MARCHF1: variants seen among roughly 807,000 people sequenced by gnomAD.
MARCHF1 encodes membrane associated ring-CH-type finger 1, also known as E3 ubiquitin-protein ligase MARCHF1.
MARCHF1 carries 40 observed loss-of-function variants against 54.2 expected under a neutral mutation model. That is an observed-to-expected ratio of 0.74 (90% confidence interval 0.57 to 0.96). The LOEUF is 0.96. Among genes scored for constraint, MARCHF1 ranks in the 40% least tolerant of loss-of-function variants. The pLI, the probability that MARCHF1 is intolerant of heterozygous loss-of-function variation, is 0.00. For missense variants in MARCHF1, 586 were observed against 656.5 expected, an observed-to-expected ratio of 0.89 and a Z score of 1.17; for synonymous variants, 236 against 236.3, an observed-to-expected ratio of 1.00 and a Z score of 0.01.
intron 4 of MARCHF1, among the ~76,000 whole-genome samples, chr4:163,731,817 A>G (rs948746663): frequency 3.3e-5 from 5 of 152,210 alleles, no homozygotes; most frequent in African/African-American, 1.2e-4. Flanking sequence ...GCAAGGAATC[A>G]GCTAAAGTAT....
chr4:163,528,751 G>A lies in MARCHF1; in HGVS notation c.1635C>T (p.Val545=), dbSNP rs150942514. The part of the protein sequence containing the change: ...AEGGPPEVVS[V] ...AAGAAACTCCCAACAGGTTCCATCA[G>A]ACTGATACAACTTCAGGGGGGCCAC... The change falls in exon 10 of 10, where the codon GTC becomes GTT. Residue 545 remains valine, a synonymous_variant. Coordinates refer to ENST00000514618, the MANE Select transcript of MARCHF1 (RefSeq NM_001394959.1). 3.1e-6 allele frequency: 5 copies of A among 1,607,924 alleles called. No individual in the cohort carries two copies. The Admixed American group carries it at 5.0e-5, about 16-fold the overall frequency.
chr4:163,967,061 G>A (rs991780559), intron 3 of MARCHF1, among the ~76,000 whole-genome samples: 2 of 152,100 alleles, frequency 1.3e-5, no homozygotes, highest in Admixed American at 1.3e-4. Flanking sequence ...AGGCAGTGAT[G>A]AATAGATCAA....
chr4:164,255,990 T>G (rs926583800), intron 1 of MARCHF1, among the ~76,000 whole-genome samples: 6 of 152,034 alleles, frequency 3.9e-5, no homozygotes, highest in African/African-American at 1.2e-4. Context: ...CACAAAGACA[T>G]TCACAAGAAA....
chr4:164,293,501 T>C (rs549785922), intron 1 of MARCHF1, among the ~76,000 whole-genome samples: 27 of 152,320 alleles, frequency 1.8e-4, no homozygotes, highest in African/African-American at 4.1e-4. Context: ...TGGCTCGGAG[T>C]ACAGCCTGAT....
intron 3 of MARCHF1, among the ~76,000 whole-genome samples, chr4:163,930,477 T>TG (rs1346711477): frequency 7.2e-6 from 1 of 139,480 alleles, no homozygotes; most frequent in Non-Finnish European, 1.6e-5. Context: ...TTGAAAATGG[T>TG]GTTTTTTTTT....
intron 9 of MARCHF1, among the ~76,000 whole-genome samples, chr4:163,536,544 A>T (rs1298945752): frequency 6.6e-6 from 1 of 152,146 alleles, no homozygotes; most frequent in Non-Finnish European, 1.5e-5. Flanking sequence ...TATAATCTTG[A>T]CGAGCACAGA....
intron 4 of MARCHF1, among the ~76,000 whole-genome samples, chr4:163,755,273 G>T (rs1746633061): frequency 6.6e-6 from 1 of 152,090 alleles, no homozygotes; most frequent in South Asian, 2.1e-4. Flanking sequence ...GGAGATTGCT[G>T]CCCCCTACTG....
At position 164,261,828 on chromosome 4, in the gene MARCHF1, A is replaced by G. The variant is rs182162621; in HGVS notation, c.-323+122042T>C. ...CAGTTGATTAACTGTTTTGATGACT[A>G]CTCCCTTCCATAAGAATGGAAAGAA... On this transcript the variant is annotated intron_variant, in intron 1 of 9. Transcript: ENST00000514618. 3.7e-3 allele frequency among the ~76,000 whole-genome samples: 558 copies of G among 152,000 alleles called. 4 individuals carry two copies. The highest frequency in any genetic ancestry group is 0.013 in the African/African-American group (526 of 41,490).
chr4:163,829,946 A>G (rs1748971341), intron 4 of MARCHF1, among the ~76,000 whole-genome samples: 1 of 152,164 alleles, frequency 6.6e-6, no homozygotes, highest in Admixed American at 6.5e-5. Context: ...CAAATAGCAG[A>G]TAGATATTAT....
intron 4 of MARCHF1, among the ~76,000 whole-genome samples, chr4:163,839,727 G>A (rs1749286089): frequency 6.6e-6 from 1 of 152,066 alleles, no homozygotes; most frequent in South Asian, 2.1e-4. Flanking sequence ...AGGAAGGGCT[G>A]GTGAGTAACT....
chr4:164,261,707 A>G (rs1011701405), intron 1 of MARCHF1, among the ~76,000 whole-genome samples: 3 of 152,138 alleles, frequency 2.0e-5, no homozygotes, highest in Non-Finnish European at 2.9e-5. Flanking sequence ...TCTCAGTTCA[A>G]ATGTCACTTC....
intron 8 of MARCHF1, among the ~76,000 whole-genome samples, chr4:163,563,553 C>T (rs1318147968): frequency 6.6e-6 from 1 of 152,198 alleles, no homozygotes; most frequent in Admixed American, 6.5e-5. Flanking sequence ...ACTACAGTGG[C>T]AGCGTAAGAT....
chr4:164,110,330 A>C (rs560229362), intron 2 of MARCHF1, among the ~76,000 whole-genome samples: 3 of 151,882 alleles, frequency 2.0e-5, no homozygotes, highest in African/African-American at 7.2e-5. Context: ...ATTTTTTGTA[A>C]ATCTCTTATA....
chr4:163,865,104 C>T (rs1750020490), intron 3 of MARCHF1, among the ~76,000 whole-genome samples: 1 of 151,904 alleles, frequency 6.6e-6, no homozygotes. Context: ...GAATTTAAAG[C>T]AATGCCTTAA....
At chr4:163,951,651 G>GTA (rs1752136325) in intron 3 of MARCHF1, among the ~76,000 whole-genome samples, 1 of 152,168 alleles carries the variant, frequency 6.6e-6, no homozygotes, top group South Asian at 2.1e-4. Context: ...ATTGTCAAAG[G>GTA]TAAGTGCTGT....
chr4:163,806,557 AC>A (rs1748229665), intron 4 of MARCHF1, among the ~76,000 whole-genome samples: 1 of 152,170 alleles, frequency 6.6e-6, no homozygotes, highest in South Asian at 2.1e-4. Flanking sequence ...AGTTAAGTAA[AC>A]CATGCTGTGA....
Position 164,323,815 on chromosome 4 carries a change from A to G in MARCHF1, c.-323+60055T>C, listed in dbSNP as rs184280768. 1.3e-4 allele frequency among the ~76,000 whole-genome samples: 19 copies of G among 151,860 alleles called. No individual in the cohort carries two copies. In the East Asian group the frequency reaches 2.3e-3, roughly 19 times the overall value. ...GACGTGGAAAATTAGTAGTATATCA[A>G]TTAGCTATAAAGAGATCGGAAATGT... On this transcript the variant is annotated intron_variant, in intron 1 of 9. Coordinates refer to ENST00000514618, the MANE Select transcript of MARCHF1 (RefSeq NM_001394959.1).
intron 2 of MARCHF1, among the ~76,000 whole-genome samples, chr4:164,080,674 A>C (rs867804221): frequency 6.9e-6 from 1 of 143,946 alleles, no homozygotes; most frequent in African/African-American, 2.6e-5. Context: ...GTGTGTGTAT[A>C]TATATATATA....
intron 2 of MARCHF1, among the ~76,000 whole-genome samples, chr4:164,012,996 C>T (rs918522163): frequency 6.6e-5 from 10 of 152,064 alleles, no homozygotes; most frequent in Admixed American, 4.6e-4. Context: ...CAGTGAATGC[C>T]CTCAAGCACC....
Sources: gnomAD v4.1 joint callset for allele counts (sites outside exome capture counted in the v4.1 genomes callset) on GRCh38, gnomAD v4.1.1 for gene constraint, MANE v1.5 for transcripts, NCBI Gene and HGNC (gene_info 2026-07-23, HGNC 2026-07-21) for gene names.